The following GABBR2 variants were observed in gnomAD, a reference collection of about 807,000 sequenced individuals.
GABBR2 encodes the protein gamma-aminobutyric acid type B receptor subunit 2.
GABBR2 carries 23 observed loss-of-function variants against 105.6 expected under a neutral mutation model. The ratio of observed to expected loss-of-function variants is 0.22; its 90% CI spans 0.16 to 0.31. GABBR2 has a LOEUF of 0.31. Ranked by LOEUF, GABBR2 falls within the 10% of genes least tolerant of loss-of-function variation. GABBR2 has a pLI of 1.00. For synonymous variants in GABBR2, 478 were observed against 499.7 expected (o/e 0.96, Z 0.58); for missense variants, 734 against 1,245.5 (o/e 0.59, Z 6.18).
At chr9:98,670,975 A>G (rs537697271) in intron 1 of GABBR2, among the ~76,000 whole-genome samples, 2 of 152,336 alleles carry the variant, frequency 1.3e-5, no homozygotes, top group South Asian at 4.1e-4. Context: ...TAAAATGGCT[A>G]AGAAGGTAAG....
chr9:98,384,641 A>T (rs1262107332), intron 11 of GABBR2, among the ~76,000 whole-genome samples: 1 of 152,226 alleles, frequency 6.6e-6, no homozygotes, highest in Admixed American at 6.5e-5. Flanking sequence ...TTTAGGCATT[A>T]AACTTTTTAA....
intron 13 of GABBR2, among the ~76,000 whole-genome samples, chr9:98,327,022 G>A (rs891145997): frequency 1.3e-5 from 2 of 152,224 alleles, no homozygotes; most frequent in African/African-American, 4.8e-5. Flanking sequence ...TGCAGAAACA[G>A]ATGGCTACTG....
intron 1 of GABBR2, among the ~76,000 whole-genome samples, chr9:98,582,838 G>T (rs1352173385): frequency 6.6e-6 from 1 of 151,992 alleles, no homozygotes; most frequent in Non-Finnish European, 1.5e-5. Context: ...TCCCCTTCTT[G>T]GTGTGTGAAA....
intron 7 of GABBR2, among the ~76,000 whole-genome samples, chr9:98,406,772 G>A (rs917308017): frequency 6.6e-6 from 1 of 152,234 alleles, no homozygotes; most frequent in African/African-American, 2.4e-5. Flanking sequence ...GACCTTGGGG[G>A]CTAAACATAG....
chr9:98,631,135 T>C (rs1200775414), intron 1 of GABBR2, among the ~76,000 whole-genome samples: 3 of 152,158 alleles, frequency 2.0e-5, no homozygotes, highest in Non-Finnish European at 4.4e-5. Flanking sequence ...GACTCAGAAA[T>C]ATCTCATGAA....
chr9:98,636,607 C>T (rs1829880615), intron 1 of GABBR2, among the ~76,000 whole-genome samples: 1 of 151,164 alleles, frequency 6.6e-6, no homozygotes, highest in African/African-American at 2.4e-5. Context: ...AATTCTCCCG[C>T]CTCAGCCTCC....
At chr9:98,322,595 C>T in intron 13 of GABBR2, among the ~76,000 whole-genome samples, 1 of 120,660 alleles carries the variant, frequency 8.3e-6, no homozygotes, top group South Asian at 3.3e-4. Flanking sequence ...CATCCCCCTC[C>T]ATGATCTGAC....
chr9:98,478,009 T>C (rs1168073317), intron 5 of GABBR2, among the ~76,000 whole-genome samples: 2 of 152,054 alleles, frequency 1.3e-5, no homozygotes, highest in African/African-American at 4.8e-5. Context: ...CACATTAGAG[T>C]GCTTGAGAAT....
At chr9:98,673,596 AC>A (rs139094554) in intron 1 of GABBR2, among the ~76,000 whole-genome samples, 115,890 of 147,696 alleles carry the variant, frequency 0.78, 45,618 homozygotes, top group Middle Eastern at 0.87. Flanking sequence ...AAAAAAAAAA[AC>A]AGGGAATAAA....
intron 1 of GABBR2, among the ~76,000 whole-genome samples, chr9:98,610,942 G>T (rs1165426729): frequency 6.6e-6 from 1 of 152,134 alleles, no homozygotes; most frequent in East Asian, 1.9e-4. Context: ...AGTGAGCAGA[G>T]ATTGCACCAT....
At chr9:98,441,875 C>A (rs1000856022) in intron 7 of GABBR2, among the ~76,000 whole-genome samples, 7 of 151,972 alleles carry the variant, frequency 4.6e-5, no homozygotes, top group Admixed American at 4.6e-4. Flanking sequence ...GAACCACTGC[C>A]ATGGAAAAAG....
At chr9:98,334,921 C>T (rs1204537802) in intron 13 of GABBR2, among the ~76,000 whole-genome samples, 3 of 152,160 alleles carry the variant, frequency 2.0e-5, no homozygotes, top group South Asian at 2.1e-4. Flanking sequence ...GGTTCCTTTC[C>T]GAGCCACCAT....
intron 3 of GABBR2, among the ~76,000 whole-genome samples, chr9:98,509,498 T>C (rs1215528316): frequency 2.0e-5 from 3 of 151,966 alleles, no homozygotes; most frequent in African/African-American, 7.3e-5. Context: ...TTCGAACCAA[T>C]GGCAAAGAAG....
At position 98,306,286 on chromosome 9, in the gene GABBR2, G is replaced by A. The variant is rs757781930; in HGVS notation, c.2064C>T (p.Asp688=). 9.3e-6 allele frequency: 15 copies of A among 1,614,018 alleles called. No individual in the cohort carries two copies. Among genetic ancestry groups the A allele is most frequent in the Non-Finnish European group, 1.3e-5 (15 of 1,179,976 alleles). The change falls in exon 15 of 19, where the codon GAC becomes GAT. Residue 688 remains aspartate (D), a synonymous_variant. Transcript: ENST00000259455. The surrounding 1 kb of genome is among the most constrained non-coding windows in gnomAD (Gnocchi z 5.4). ...AGACACTCATCCCGATGTACTTGCT[G>A]TCGTTGAGTGCGGGGATGCTGACGT... The part of the protein sequence containing the change: ...TRNVSIPALN[D]SKYIGMSVYN...
At chr9:98,672,977 C>A (rs191399827) in intron 1 of GABBR2, among the ~76,000 whole-genome samples, 1 of 152,298 alleles carries the variant, frequency 6.6e-6, no homozygotes, top group East Asian at 1.9e-4. Context: ...GTGTCATCTT[C>A]TAAAACACAT....
intron 3 of GABBR2, among the ~76,000 whole-genome samples, chr9:98,506,049 A>C (rs1827504060): frequency 6.6e-6 from 1 of 152,080 alleles, no homozygotes; most frequent in South Asian, 2.1e-4. Context: ...CCTCTATTTG[A>C]TGGCACCATT....
intron 15 of GABBR2, among the ~76,000 whole-genome samples, chr9:98,305,889 C>T (rs1830543264): frequency 6.6e-6 from 1 of 151,858 alleles, no homozygotes; most frequent in Admixed American, 6.6e-5. Context: ...CAGTAAAGAA[C>T]ACCCCAACAA....
intron 8 of GABBR2, among the ~76,000 whole-genome samples, chr9:98,402,304 G>A (rs75716281): frequency 8.0e-4 from 121 of 152,152 alleles, no homozygotes; most frequent in African/African-American, 2.8e-3. Flanking sequence ...TTTAGACTTC[G>A]GCAGTAACAT....
At chr9:98,457,196 G>T (rs189008547) in intron 6 of GABBR2, among the ~76,000 whole-genome samples, 1 of 152,308 alleles carries the variant, frequency 6.6e-6, no homozygotes, top group African/African-American at 2.4e-5. Flanking sequence ...TCCAATGCAC[G>T]CAATGGCATT....
Sources: gnomAD v4.1 joint callset for allele counts (sites outside exome capture counted in the v4.1 genomes callset) on GRCh38, gnomAD v4.1.1 for gene constraint, Gnocchi (gnomAD v3.1) non-coding constraint, MANE v1.5 for transcripts, NCBI Gene and HGNC (gene_info 2026-07-23, HGNC 2026-07-21) for gene names.